NCKAP5: variants seen among roughly 807,000 people sequenced by gnomAD.
NCKAP5 encodes the protein nck-associated protein 5.
Under a neutral mutation model 167.0 loss-of-function variants are expected in NCKAP5, and 92 were observed. The ratio of observed to expected loss-of-function variants is 0.55; its 90% CI spans 0.47 to 0.66. The LOEUF (loss-of-function observed/expected upper bound fraction) is 0.66, where lower values mean the gene tolerates loss of function less well. NCKAP5 is among the 30% of genes least tolerant of loss of function. The probability of loss-of-function intolerance (pLI) is 0.00; values close to 1 mark genes in which losing one functional copy is unlikely to be tolerated. For synonymous variants in NCKAP5, 891 were observed against 877.4 expected, an observed-to-expected ratio of 1.02 and a Z score of -0.27; for missense variants, 2,378 against 2,315.0, an observed-to-expected ratio of 1.03 and a Z score of -0.56.
At chr2:133,068,307 G>T (rs2080269485) in intron 6 of NCKAP5, among the ~76,000 whole-genome samples, 2 of 152,194 alleles carry the variant, frequency 1.3e-5, no homozygotes. Flanking sequence ...TGTCCTCCCA[G>T]CTTCCCCTCA....
At position 133,236,364 on chromosome 2, in the gene NCKAP5, T is replaced by C. The variant is rs1268342722; in HGVS notation, c.144-22585A>G. On this transcript the variant is annotated intron_variant, in intron 4 of 19. Coordinates refer to ENST00000409261, the MANE Select transcript of NCKAP5 (RefSeq NM_207363.3). ...AGGTGACTTCATAGAACATAACTAC[T>C]ATGAATAAGGAGAACTCAGCATATA... 6.6e-5 allele frequency among the ~76,000 whole-genome samples: 10 copies of C among 152,286 alleles called. No homozygotes were observed. The South Asian group carries it at 1.9e-3, about 28-fold the overall frequency.
chr2:133,159,181 G>A (rs961679216), intron 5 of NCKAP5, among the ~76,000 whole-genome samples: 1 of 152,206 alleles, frequency 6.6e-6, no homozygotes. Flanking sequence ...AGTGCGCCCA[G>A]TGCTGGCTCT....
chr2:133,297,311 A>G (rs764627282), intron 4 of NCKAP5, among the ~76,000 whole-genome samples: 3 of 152,126 alleles, frequency 2.0e-5, no homozygotes, highest in Non-Finnish European at 4.4e-5. Flanking sequence ...TCTTCTTTAG[A>G]TGAATTCTCA....
intron 2 of NCKAP5, among the ~76,000 whole-genome samples, chr2:133,527,882 T>C (rs1450304956): frequency 6.6e-6 from 1 of 152,002 alleles, no homozygotes; most frequent in Middle Eastern, 3.2e-3. Context: ...TTGGGCAACA[T>C]AGTGAGACCC....
At chr2:132,697,141 GTC>G (rs1477960695) in intron 19 of NCKAP5, among the ~76,000 whole-genome samples, 1 of 147,252 alleles carries the variant, frequency 6.8e-6, no homozygotes, top group Non-Finnish European at 1.5e-5. Context: ...GCCTACCTTG[GTC>G]TCTCTAAGTG....
In NCKAP5 at chr2:132,672,844, C is replaced by CT; in HGVS notation, c.*444dup. On this transcript the variant is annotated 3_prime_UTR_variant, in exon 20 of 20. Transcript: ENST00000409261. ...CCTCTTGAAACACAATAAATGGAGT[C>CT]TATCTTTATTGCCCTGTCAGAGAAA... 2.4e-6 allele frequency: 1 copy of CT among 421,508 alleles called. No homozygotes were observed. The highest frequency in any genetic ancestry group is 3.2e-6 in the Non-Finnish European group (1 of 314,280). 26.1% of individuals were successfully genotyped at this position (421,508 alleles called of 1,614,324 possible).
At chr2:133,234,568 C>T (rs1574458468) in intron 4 of NCKAP5, among the ~76,000 whole-genome samples, 1 of 152,082 alleles carries the variant, frequency 6.6e-6, no homozygotes. Flanking sequence ...TTTAACATGT[C>T]GCTCATATCT....
intron 3 of NCKAP5, among the ~76,000 whole-genome samples, chr2:133,320,076 T>C (rs1681920423): frequency 6.6e-6 from 1 of 152,092 alleles, no homozygotes; most frequent in African/African-American, 2.4e-5. Context: ...AGCACATGTA[T>C]GGATGCAAAA....
At chr2:133,055,359 T>A (rs1372258754) in intron 6 of NCKAP5, among the ~76,000 whole-genome samples, 1 of 152,064 alleles carries the variant, frequency 6.6e-6, no homozygotes, top group East Asian at 1.9e-4. Flanking sequence ...GTTCTAGTTT[T>A]AAATAACAAT....
chr2:133,610,929 C>T, the NCKAP5 span, among the ~76,000 whole-genome samples: 1 of 152,058 alleles, frequency 6.6e-6, no homozygotes, highest in Non-Finnish European at 1.5e-5. Flanking sequence ...AAAAACACAA[C>T]TTATACTGGC....
At chr2:132,845,703 A>G (rs562128137) in intron 11 of NCKAP5, among the ~76,000 whole-genome samples, 11 of 152,194 alleles carry the variant, frequency 7.2e-5, no homozygotes, top group Admixed American at 2.0e-4. Context: ...CCACAGGGTA[A>G]TTTTTCCACC....
intron 12 of NCKAP5, among the ~76,000 whole-genome samples, chr2:132,792,629 A>G (rs140044937): frequency 6.6e-5 from 10 of 152,276 alleles, no homozygotes; most frequent in Non-Finnish European, 1.5e-4. Flanking sequence ...CTACAGAGAG[A>G]GAGAGAGACT....
chr2:133,499,115 G>T (rs112983250), intron 3 of NCKAP5, among the ~76,000 whole-genome samples: 23 of 152,184 alleles, frequency 1.5e-4, no homozygotes, highest in African/African-American at 5.5e-4. Context: ...CTGGACTGCG[G>T]CTGCCAGATA....
intron 7 of NCKAP5, among the ~76,000 whole-genome samples, chr2:132,964,246 C>T (rs545070389): frequency 6.6e-6 from 1 of 152,260 alleles, no homozygotes; most frequent in Admixed American, 6.5e-5. Context: ...AGGCATAGCT[C>T]CTCAAGATAG....
At chr2:133,387,153 C>T (rs990425956) in intron 3 of NCKAP5, among the ~76,000 whole-genome samples, 1 of 152,164 alleles carries the variant, frequency 6.6e-6, no homozygotes, top group Non-Finnish European at 1.5e-5. Context: ...ATGGTCTTTA[C>T]AATTTGGCAT....
chr2:133,660,275 C>T, the NCKAP5 span, among the ~76,000 whole-genome samples: 9 of 152,294 alleles, frequency 5.9e-5, no homozygotes, highest in Middle Eastern at 3.4e-3. Flanking sequence ...GTGGTCTCGC[C>T]ACTCACTATT....
At chr2:133,164,896 T>C (rs1449381961) in intron 5 of NCKAP5, among the ~76,000 whole-genome samples, 1 of 152,210 alleles carries the variant, frequency 6.6e-6, no homozygotes, top group Non-Finnish European at 1.5e-5. Context: ...AGATCCCTCA[T>C]CCAAGGCACA....
intron 5 of NCKAP5, among the ~76,000 whole-genome samples, chr2:133,189,302 A>T (rs528171299): frequency 5.1e-4 from 77 of 151,046 alleles, no homozygotes; most frequent in African/African-American, 1.7e-3. Flanking sequence ...ATAGCCTACC[A>T]ACCAAAAAAA....
the NCKAP5 span, among the ~76,000 whole-genome samples, chr2:133,659,502 CTT>C: frequency 6.6e-6 from 1 of 151,986 alleles, no homozygotes; most frequent in Admixed American, 6.6e-5. Flanking sequence ...AGAAATTGGA[CTT>C]AATTAAAATT....
Sources: allele counts gnomAD v4.1 joint callset (sites outside exome capture counted in the v4.1 genomes callset), GRCh38; gene constraint gnomAD v4.1.1; transcripts MANE v1.5; gene names NCBI Gene and HGNC (gene_info 2026-07-23, HGNC 2026-07-21).